Variants in PHLDB1 observed in about 807,000 individuals in gnomAD.
PHLDB1 encodes the protein pleckstrin homology like domain family B member 1.
In PHLDB1, 65 loss-of-function variants were observed where a neutral mutation model predicts 139.3. The ratio of observed to expected loss-of-function variants is 0.47; its 90% CI spans 0.38 to 0.57. PHLDB1 has a LOEUF of 0.57. Among genes scored for constraint, PHLDB1 ranks in the 20% least tolerant of loss-of-function variants. PHLDB1 has a pLI of 0.00. For synonymous variants in PHLDB1, 679 were observed against 734.5 expected, an observed-to-expected ratio of 0.92 and a Z score of 1.22; for missense variants, 1,624 against 1,839.7, an observed-to-expected ratio of 0.88 and a Z score of 2.14.
In PHLDB1 at chr11:118,627,737, G is replaced by A. The variant is rs781899229; in HGVS notation, c.914G>A (p.Gly305Asp). Residue 305 changes from glycine to aspartate, a missense_variant, in exon 6 of 23, where the codon GGT becomes GAT. Transcript: ENST00000600882. ...CAGCCCCCACAGTCCCGCCCAAGTG[G>A]TGCTCGCTCCGAGAGTCCTCGGCTG... ...ALQPPQSRPS[G>D]ARSESPRLSR... 2.5e-6 allele frequency: 4 copies of A among 1,609,346 alleles called. No homozygotes were observed. Among genetic ancestry groups the A allele is most frequent in the Non-Finnish European group, 3.4e-6 (4 of 1,179,966 alleles).
chr11:118,607,604 G>T (rs1385439770), upstream of PHLDB1: 7 of 151,836 alleles, frequency 4.6e-5, no homozygotes, highest in Non-Finnish European at 7.4e-5. Context: ...GAGCTCCCGG[G>T]GAAAAGCAAC....
intron 4 of PHLDB1, among the ~76,000 whole-genome samples, chr11:118,622,115 CAGATG>C (rs1942938704): frequency 2.5e-4 from 38 of 152,146 alleles, no homozygotes; most frequent in Admixed American, 2.5e-3. Context: ...TTTTCCCCTC[CAGATG>C]TGCAGCTCCT....
Position 118,620,428 on chromosome 11 carries a change from GTTGCAGTGAGCCGAGATCGCACCA to G in PHLDB1, c.355+4223_355+4246del, listed in dbSNP as rs1555093701. Among the ~76,000 whole-genome samples the G allele has an allele frequency of 6.6e-6, 1 of 152,222 alleles. No individual in the cohort carries two copies. The highest frequency in any genetic ancestry group is 1.5e-5 in the Non-Finnish European group (1 of 68,036). ...AATCGCTTGAACCCCGGAGGCGGAG[GTTGCAGTGAGCCGAGATCGCACCA>G]TTGCACTCCAGCCTGGGCAACAAGA... is the stretch of plus-strand genomic sequence containing the variant. On this transcript the variant is annotated intron_variant, in intron 4 of 22. Coordinates refer to ENST00000600882, the MANE Select transcript of PHLDB1 (RefSeq NM_001144758.3). This position sits in a 1 kb window ranked among gnomAD's most constrained non-coding sequence, Gnocchi z 4.1.
At chr11:118,639,841 A>C (rs1210569696) in intron 12 of PHLDB1, 2 of 977,946 alleles carry the variant, frequency 2.0e-6, no homozygotes, top group Non-Finnish European at 2.4e-6. Flanking sequence ...GCAGCCCCTC[A>C]CCATGTCCCC....
At chr11:118,631,071 C>A (rs1418983993) in intron 6 of PHLDB1, 136 bp from the exon 7 acceptor site, 2 of 713,398 alleles carry the variant, frequency 2.8e-6, no homozygotes, top group Middle Eastern at 4.6e-4. Flanking sequence ...TGGGGTCAGG[C>A]CTCTCCTGAC....
rs782700284 is a variant in PHLDB1, at chr11:118,627,442, G to A, written c.619G>A (p.Glu207Lys). Residue 207 changes from glutamate (E) to lysine (K), a missense_variant, in exon 6 of 23, where the codon GAG (glutamate) becomes AAG (lysine). Transcript: ENST00000600882. ...LQEIMDSLVLEEPGAAGKKPA... is the reference protein window; with the variant it reads ...LQEIMDSLVLKEPGAAGKKPA... ...AGAGATCATGGACTCACTGGTGCTA[G>A]AGGAGCCTGGAGCTGCTGGCAAGAA... is the stretch of plus-strand genomic sequence containing the variant. The A allele has an allele frequency of 1.2e-6, 2 of 1,614,096 alleles. No homozygotes were observed. The highest frequency in any genetic ancestry group is 1.3e-5 in the African/African-American group (1 of 74,936).
At position 118,616,959 on chromosome 11, in the gene PHLDB1, C is replaced by T. The variant is rs544927396; in HGVS notation, c.355+748C>T. Among the ~76,000 whole-genome samples, 210 of 152,248 alleles carry T rather than the reference C, an allele frequency of 1.4e-3. 3 individuals are homozygous for T. The highest frequency in any genetic ancestry group is 5.0e-3 in the African/African-American group (206 of 41,550). On this transcript the variant is annotated intron_variant, in intron 4 of 22. Transcript: ENST00000600882. ...ACTCGGGAAGCTGAGATAGGAGAAT[C>T]GCTTGAACCTGGGAGGCAGAGGTTG...
At chr11:118,647,822 C>G in intron 17 of PHLDB1, 108 bp from the exon 18 acceptor site, 5 of 1,212,110 alleles carry the variant, frequency 4.1e-6, no homozygotes, top group Non-Finnish European at 5.7e-6. Context: ...CCTCCTCATG[C>G]CAGACTACCC....
chr11:118,624,689 C>A, intron 4 of PHLDB1: 1 of 377,516 alleles, frequency 2.6e-6, no homozygotes, highest in Non-Finnish European at 4.9e-6. Flanking sequence ...GCAACCTCCG[C>A]TTCCTGGGTT....
intron 12 of PHLDB1, chr11:118,639,904 C>T: frequency 1.0e-6 from 1 of 986,558 alleles, no homozygotes; most frequent in Non-Finnish European, 1.2e-6. Flanking sequence ...GGGCTGGGGA[C>T]TAAGGCTCTG....
At chr11:118,629,993 TG>T in intron 6 of PHLDB1, 1 of 1,282,736 alleles carries the variant, frequency 7.8e-7, no homozygotes, top group South Asian at 1.2e-5. Flanking sequence ...GTGGAGGCAC[TG>T]GCCCAGCCTC....
chr11:118,630,742 A>G (rs11216934), intron 6 of PHLDB1, among the ~76,000 whole-genome samples: 83,739 of 151,582 alleles, frequency 0.55, 23,394 homozygotes, highest in East Asian at 0.71. Flanking sequence ...GTGTGTCAGT[A>G]TGTGTCCTTG....
intron 1 of PHLDB1, among the ~76,000 whole-genome samples, chr11:118,609,156 C>A (rs564624988): frequency 6.7e-6 from 1 of 148,600 alleles, no homozygotes; most frequent in African/African-American, 2.5e-5. Context: ...CAGCCCAGCT[C>A]ACACAAGCAG....
chr11:118,621,914 G>A (rs1438469566), intron 4 of PHLDB1, among the ~76,000 whole-genome samples: 2 of 152,068 alleles, frequency 1.3e-5, no homozygotes, highest in Non-Finnish European at 2.9e-5. Flanking sequence ...CCCTTCACTC[G>A]GTCTCCCTTT....
At position 118,632,167 on chromosome 11, in the gene PHLDB1, G is replaced by A. The variant is rs1180867396; in HGVS notation, c.2250G>A (p.Met750Ile). 2 of 1,614,074 alleles carry A rather than the reference G, an allele frequency of 1.2e-6. No homozygotes were observed. The highest frequency in any genetic ancestry group is 1.3e-5 in the African/African-American group (1 of 75,046). Residue 750 changes from methionine (M) to isoleucine (I), a missense_variant, in exon 9 of 23, where the codon ATG becomes ATA. By Grantham distance (10) the Met-to-Ile change is conservative. Coordinates refer to ENST00000600882, the MANE Select transcript of PHLDB1 (RefSeq NM_001144758.3). This position sits in a 1 kb window ranked among gnomAD's most constrained non-coding sequence, Gnocchi z 5.9. Reference sequence around the variant, plus strand: ...CTGGTGTCTGCCCCCAGGCCGAAATGGAGCGGGCACTGCTGCAGGGAGAGA... The same window carrying A: ...CTGGTGTCTGCCCCCAGGCCGAAATAGAGCGGGCACTGCTGCAGGGAGAGA... ...QLQESAREAE[M>I]ERALLQGERE... is the part of the protein sequence containing the mutation.
At chr11:118,629,685 C>T (rs999048306) in intron 6 of PHLDB1, among the ~76,000 whole-genome samples, 1 of 152,110 alleles carries the variant, frequency 6.6e-6, no homozygotes. Flanking sequence ...AGGCGGATCC[C>T]ATCTTTTCCT....
chr11:118,640,003 A>G, intron 12 of PHLDB1: 6 of 986,014 alleles, frequency 6.1e-6, no homozygotes, highest in Non-Finnish European at 7.2e-6. Context: ...AAAGCACAAG[A>G]GGTAATCACA....
At position 118,639,213 on chromosome 11, in the gene PHLDB1, G is replaced by A. The variant is rs1946130839; in HGVS notation, c.2698G>A (p.Gly900Ser). ...LERRYHSLTG[G>S]RPFPKTTSTL... ...AAGGAGATACCACTCACTCACAGGG[G>A]GCAGGCCTTTCCCGAAGACCACATC... The change falls in exon 12 of 23, where the codon GGC becomes AGC. Residue 900 changes from glycine (G) to serine (S), a missense_variant. Gly to Ser is a moderately conservative substitution (Grantham distance 56). Coordinates refer to ENST00000600882, the MANE Select transcript of PHLDB1 (RefSeq NM_001144758.3). 1.9e-6 allele frequency: 3 copies of A among 1,614,006 alleles called. No homozygotes were observed. The African/African-American group carries it at 4.0e-5, about 22-fold the overall frequency.
At chr11:118,649,967 G>C in intron 18 of PHLDB1, 110 bp from the exon 19 acceptor site, 2 of 793,064 alleles carry the variant, frequency 2.5e-6, no homozygotes, top group Non-Finnish European at 4.5e-6. Context: ...CCATGGGTTA[G>C]GGAGGTGTGA....
Sources: gnomAD v4.1 joint callset for allele counts (sites outside exome capture counted in the v4.1 genomes callset) on GRCh38, gnomAD v4.1.1 for gene constraint, Gnocchi (gnomAD v3.1) non-coding constraint, MANE v1.5 for transcripts, NCBI Gene and HGNC (gene_info 2026-07-23, HGNC 2026-07-21) for gene names.